The following ADGB variants were observed in gnomAD, a reference collection of about 807,000 sequenced individuals.
ADGB encodes the protein androglobin.
A neutral mutation model predicts 210.5 loss-of-function variants in ADGB; 172 were observed. The ratio of observed to expected loss-of-function variants is 0.82; its 90% CI spans 0.72 to 0.93. ADGB has a LOEUF of 0.93. ADGB is among the 40% of genes least tolerant of loss of function. The probability of loss-of-function intolerance (pLI) is 0.00; values close to 1 mark genes in which losing one functional copy is unlikely to be tolerated. For missense variants in ADGB, 2,025 were observed against 1,964.8 expected (o/e 1.03, Z -0.58); for synonymous variants, 658 against 662.7 (o/e 0.99, Z 0.11).
intron 9 of ADGB, among the ~76,000 whole-genome samples, chr6:146,677,726 G>C (rs1005649590): frequency 6.6e-6 from 1 of 152,140 alleles, no homozygotes; most frequent in African/African-American, 2.4e-5. Context: ...CATAGAATGT[G>C]GTTCAGTTTG....
At chr6:146,789,061 T>A (rs1189772451) in intron 33 of ADGB, among the ~76,000 whole-genome samples, 4 of 152,228 alleles carry the variant, frequency 2.6e-5, no homozygotes, top group African/African-American at 9.6e-5. Flanking sequence ...CACCCTGACC[T>A]GATTCATTTC....
chr6:146,696,058 C>T (rs1290471444), intron 12 of ADGB, among the ~76,000 whole-genome samples: 5 of 151,894 alleles, frequency 3.3e-5, no homozygotes, highest in Admixed American at 2.6e-4. Context: ...TCTTAAGTTC[C>T]CTTTTATAGT....
rs41285873 is a variant in ADGB at position 146,715,429 on chromosome 6, T to C, written c.1741+14T>C. On this transcript the variant is annotated intron_variant, in intron 14 of 35. Transcript: ENST00000397944. ...TACTTGGAAAAGGTAAATTAATAATTTTCCTGTGACTTTTTTCAATGTACA... is the reference window on the plus strand; with the variant it reads ...TACTTGGAAAAGGTAAATTAATAATCTTCCTGTGACTTTTTTCAATGTACA... 529 of 1,491,306 alleles carry C rather than the reference T, an allele frequency of 3.5e-4. No individual in the cohort carries two copies. Among genetic ancestry groups the C allele is most frequent in the Non-Finnish European group, 2.9e-4 (319 of 1,118,400 alleles). 92.4% of individuals were successfully genotyped at this position (1,491,306 alleles called of 1,614,324 possible).
intron 28 of ADGB, among the ~76,000 whole-genome samples, chr6:146,768,786 T>A (rs11155489): frequency 0.015 from 2,252 of 152,240 alleles, 54 homozygotes; most frequent in African/African-American, 0.052. Context: ...CCCACTGCAC[T>A]CACAAAAATT....
At chr6:146,720,375 A>G (rs1416247754) in intron 16 of ADGB, among the ~76,000 whole-genome samples, 1 of 152,204 alleles carries the variant, frequency 6.6e-6, no homozygotes, top group Non-Finnish European at 1.5e-5. Flanking sequence ...CTGTTAATGT[A>G]TAATTAGATA....
At chr6:146,673,342 GCAAGAAATGTGC>G (rs1776041941) in intron 8 of ADGB, among the ~76,000 whole-genome samples, 1 of 152,092 alleles carries the variant, frequency 6.6e-6, no homozygotes, top group Non-Finnish European at 1.5e-5. Context: ...GTCATGACTG[GCAAGAAATGTGC>G]CTTGTTATTC....
intron 1 of ADGB, among the ~76,000 whole-genome samples, chr6:146,600,925 C>T (rs902399878): frequency 2.0e-4 from 6 of 30,122 alleles, no homozygotes; most frequent in Admixed American, 4.8e-4. Flanking sequence ...CTCCCCCATG[C>T]GCACACACAC....
rs556072787 is a variant in ADGB at position 146,764,110 on chromosome 6, A to G, written c.3750+10A>G. 6.4e-5 allele frequency: 98 copies of G among 1,521,744 alleles called. 2 individuals are homozygous for G. The African/African-American group carries it at 1.0e-3, about 16-fold the overall frequency. 94.3% of individuals were successfully genotyped at this position (1,521,744 alleles called of 1,614,324 possible). On this transcript the variant is annotated intron_variant, in intron 28 of 35. Transcript: ENST00000397944. ...CAGCACACCACTGCAGGTATATTAA[A>G]AACAATTGTTCAATTGGACTGTTCC...
Position 146,815,251 on chromosome 6 carries a change from G to A in ADGB, c.*34G>A. ...TGTCCAATACTACCCTGCTTCTGGA[G>A]AGAAAAAATCTATTTGTAATGATCT... On this transcript the variant is annotated 3_prime_UTR_variant, in exon 36 of 36. Transcript: ENST00000397944. The A allele has an allele frequency of 7.0e-7, 1 of 1,433,888 alleles. No homozygotes were observed. Among genetic ancestry groups the A allele is most frequent in the South Asian group, 1.6e-5 (1 of 62,646 alleles). The allele number at this position is 1,433,888 out of a possible 1,614,324, so 88.8% of individuals were successfully genotyped here. A position where few individuals can be genotyped will look rare whatever the true frequency, so the allele number is the denominator to read the frequency against.
chr6:146,781,406 T>C (rs1777798085), intron 29 of ADGB, among the ~76,000 whole-genome samples: 1 of 148,006 alleles, frequency 6.8e-6, no homozygotes, highest in South Asian at 2.1e-4. Context: ...TTAGACAACA[T>C]ACTCTCTTAA....
chr6:146,743,061 G>A (rs759780854), intron 25 of ADGB, among the ~76,000 whole-genome samples: 6 of 152,080 alleles, frequency 3.9e-5, no homozygotes, highest in Non-Finnish European at 8.8e-5. Context: ...AGTTCTTCAC[G>A]AACAAATTTG....
intron 27 of ADGB, among the ~76,000 whole-genome samples, chr6:146,758,421 T>A (rs1197351034): frequency 6.6e-6 from 1 of 152,084 alleles, no homozygotes; most frequent in Non-Finnish European, 1.5e-5. Context: ...TTCTCTGCAA[T>A]TTTTAGTTTC....
At chr6:146,648,798 TAAG>T (rs774315169) in intron 3 of ADGB, among the ~76,000 whole-genome samples, 118 of 151,814 alleles carry the variant, frequency 7.8e-4, no homozygotes, top group Non-Finnish European at 5.3e-4. Context: ...TATTTTTAAA[TAAG>T]AAGAAAATTT....
In ADGB at chr6:146,717,010, A is replaced by T; in HGVS notation, c.1869A>T (p.Thr623=). 6.4e-7 allele frequency: 1 copy of T among 1,551,626 alleles called. No homozygotes were observed. The highest frequency in any genetic ancestry group is 1.2e-5 in the South Asian group (1 of 84,054). The change falls in exon 15 of 36, where the codon ACA becomes ACT. Residue 623 remains threonine, a synonymous_variant. Coordinates refer to ENST00000397944, the MANE Select transcript of ADGB (RefSeq NM_024694.4). The part of the protein sequence containing the change: ...QEKSQEELPT[T]NNSVSKEIWL... ...AGTCACAGGAAGAACTTCCAACAAC[A>T]AATAATAGTGTTTCTAAAGAAATAT...
chr6:146,610,085 A>G (rs1052396918), intron 1 of ADGB, among the ~76,000 whole-genome samples: 1 of 152,156 alleles, frequency 6.6e-6, no homozygotes, highest in African/African-American at 2.4e-5. Context: ...TTCATGGACA[A>G]TGTCCTCAAA....
Position 146,656,757 on chromosome 6 carries a change from T to G in ADGB, c.403-14T>G, listed in dbSNP as rs967937160. On this transcript the variant is annotated splice_polypyrimidine_tract_variant and intron_variant, in intron 4 of 35. Coordinates refer to ENST00000397944, the MANE Select transcript of ADGB (RefSeq NM_024694.4). ...GAAAAATAACCAATTAACCCTAATG[T>G]TTTTTATCTCTAGCTGATGAGATGG... 11 of 1,497,370 alleles carry G rather than the reference T, an allele frequency of 7.3e-6. No homozygotes were observed. The highest frequency in any genetic ancestry group is 2.3e-5 in the Admixed American group (1 of 43,862). The allele number at this position is 1,497,370 out of a possible 1,614,324, so 92.8% of individuals were successfully genotyped here.
chr6:146,763,244 G>T (rs1018625090), intron 27 of ADGB, among the ~76,000 whole-genome samples: 3 of 152,110 alleles, frequency 2.0e-5, no homozygotes, highest in Non-Finnish European at 4.4e-5. Context: ...AAAAATAGTT[G>T]CTTTATACGT....
chr6:146,752,835 C>A, intron 27 of ADGB, 121 bp downstream of exon 27: 2 of 869,418 alleles, frequency 2.3e-6, no homozygotes, highest in Non-Finnish European at 3.2e-6. Flanking sequence ...CTTCATAGTA[C>A]AGTAAAATAT....
At chr6:146,692,983 A>G (rs2114924796) in intron 12 of ADGB, 68 bp downstream of exon 12, 1 of 850,760 alleles carries the variant, frequency 1.2e-6, no homozygotes, top group South Asian at 1.8e-5. Flanking sequence ...GTCTGGCTAA[A>G]GATAACACCA....
Sources: gnomAD v4.1 joint callset for allele counts (sites outside exome capture counted in the v4.1 genomes callset) on GRCh38, gnomAD v4.1.1 for gene constraint, MANE v1.5 for transcripts, NCBI Gene and HGNC (gene_info 2026-07-23, HGNC 2026-07-21) for gene names.